CYP7B1: variants seen among roughly 807,000 people sequenced by gnomAD.
The protein encoded by CYP7B1 is cytochrome P450 family 7 subfamily B member 1.
CYP7B1 carries 29 observed loss-of-function variants against 42.7 expected under a neutral mutation model. The ratio of observed to expected loss-of-function variants is 0.68; its 90% CI spans 0.51 to 0.93. The LOEUF (loss-of-function observed/expected upper bound fraction) is 0.93. Ranked by LOEUF, CYP7B1 falls within the 40% of genes least tolerant of loss-of-function variation. CYP7B1 has a pLI of 0.00. For synonymous variants in CYP7B1, 235 were observed against 218.2 expected (o/e 1.08, Z -0.68); for missense variants, 655 against 600.5 (o/e 1.09, Z -0.95).
chr8:64,615,583 A>G lies in CYP7B1; in HGVS notation c.850+108T>C, dbSNP rs1308377914. ...GAGTAAAACATTTTATCATTAGCCAATTAGAAAGAGCATAAAAAATTTTCA... is the reference window on the plus strand; with the variant it reads ...GAGTAAAACATTTTATCATTAGCCAGTTAGAAAGAGCATAAAAAATTTTCA... On this transcript the variant is annotated intron_variant, in intron 3 of 5. Coordinates refer to ENST00000310193, the MANE Select transcript of CYP7B1 (RefSeq NM_004820.5). 3.7e-6 allele frequency: 4 copies of G among 1,081,628 alleles called. No homozygotes were observed. In the East Asian group the frequency reaches 7.1e-5, roughly 19 times the overall value. 67.0% of individuals were successfully genotyped at this position (1,081,628 alleles called of 1,614,324 possible).
chr8:64,785,085 A>G (rs956131321), intron 1 of CYP7B1, among the ~76,000 whole-genome samples: 3 of 152,238 alleles, frequency 2.0e-5, no homozygotes, highest in Admixed American at 2.0e-4. Context: ...AGATATATAA[A>G]TGGCAAATAA....
At chr8:64,755,459 C>G (rs564462430) in intron 1 of CYP7B1, among the ~76,000 whole-genome samples, 150 of 151,902 alleles carry the variant, frequency 9.9e-4, no homozygotes, top group Non-Finnish European at 2.0e-3. Context: ...TGCCCTGATC[C>G]CCAGGCTGCA....
At chr8:64,759,377 G>C (rs1441874652) in intron 1 of CYP7B1, among the ~76,000 whole-genome samples, 1 of 152,150 alleles carries the variant, frequency 6.6e-6, no homozygotes, top group Non-Finnish European at 1.5e-5. Context: ...TTAATGGATA[G>C]ACTTGCTGAT....
chr8:64,723,999 G>A (rs904547501), intron 1 of CYP7B1, among the ~76,000 whole-genome samples: 1 of 152,000 alleles, frequency 6.6e-6, no homozygotes, highest in Non-Finnish European at 1.5e-5. Flanking sequence ...ACATACATGG[G>A]TGTATAAACA....
chr8:64,679,968 A>G (rs1280506887), intron 1 of CYP7B1, among the ~76,000 whole-genome samples: 1 of 152,122 alleles, frequency 6.6e-6, no homozygotes, highest in Non-Finnish European at 1.5e-5. Context: ...ATGATACAGT[A>G]CTGTTAACCA....
intron 1 of CYP7B1, among the ~76,000 whole-genome samples, chr8:64,702,826 C>A (rs1210984244): frequency 3.3e-5 from 5 of 152,046 alleles, no homozygotes; most frequent in African/African-American, 1.2e-4. Flanking sequence ...GTATTATCAT[C>A]ATTCTCAGGA....
In CYP7B1 at chr8:64,593,806, A is replaced by C. The variant is rs1805075250; in HGVS notation, c.*2836T>G. On this transcript the variant is annotated 3_prime_UTR_variant, in exon 6 of 6. Transcript: ENST00000310193. ...ACAGAATCTAAAATGTTTGCTTCAT[A>C]CAGTTGAAGAAATGAAAAAGGATGT... 6.6e-6 allele frequency among the ~76,000 whole-genome samples: 1 copy of C among 152,240 alleles called. No individual in the cohort carries two copies. The highest frequency in any genetic ancestry group is 1.5e-5 in the Non-Finnish European group (1 of 68,044).
intron 1 of CYP7B1, among the ~76,000 whole-genome samples, chr8:64,714,555 T>C (rs181456882): frequency 2.0e-5 from 3 of 152,356 alleles, no homozygotes; most frequent in Non-Finnish European, 2.9e-5. Flanking sequence ...CAGAGGGTTC[T>C]TGCTGACACA....
intron 1 of CYP7B1, among the ~76,000 whole-genome samples, chr8:64,729,742 C>G (rs1000889184): frequency 1.3e-5 from 2 of 152,078 alleles, no homozygotes; most frequent in Non-Finnish European, 2.9e-5. Context: ...TCATCACATT[C>G]CTTTCTAAAT....
At chr8:64,601,208 T>C (rs988516195) in intron 5 of CYP7B1, among the ~76,000 whole-genome samples, 1 of 152,206 alleles carries the variant, frequency 6.6e-6, no homozygotes, top group Admixed American at 6.5e-5. Flanking sequence ...TCTCAACAAC[T>C]ATAAGAAGTA....
chr8:64,625,623 C>T (rs1805599256), intron 1 of CYP7B1, among the ~76,000 whole-genome samples: 1 of 152,162 alleles, frequency 6.6e-6, no homozygotes, highest in African/African-American at 2.4e-5. Flanking sequence ...ATGTTATCTG[C>T]TATGTGCTTG....
chr8:64,675,742 G>C (rs1334336287), intron 1 of CYP7B1, among the ~76,000 whole-genome samples: 1 of 152,072 alleles, frequency 6.6e-6, no homozygotes. Context: ...CTGGGAGCGT[G>C]GTTGTTTCTT....
chr8:64,730,742 GGACT>G (rs1051100549), intron 1 of CYP7B1, among the ~76,000 whole-genome samples: 30 of 115,990 alleles, frequency 2.6e-4, no homozygotes, highest in African/African-American at 1.2e-3. Flanking sequence ...TGTGAAGCAA[GGACT>G]GTCTGCACAC....
intron 1 of CYP7B1, among the ~76,000 whole-genome samples, chr8:64,698,934 A>T (rs1447835288): frequency 6.6e-6 from 1 of 152,178 alleles, no homozygotes; most frequent in Admixed American, 6.5e-5. Flanking sequence ...GGTTCTTAAT[A>T]TTGCAAACAC....
At chr8:64,751,077 C>T (rs1807718802) in intron 1 of CYP7B1, among the ~76,000 whole-genome samples, 2 of 152,024 alleles carry the variant, frequency 1.3e-5, no homozygotes, top group East Asian at 1.9e-4. Flanking sequence ...ATACTGGGTC[C>T]CTGGTTGCTT....
At chr8:64,687,520 G>A (rs1485494350) in intron 1 of CYP7B1, among the ~76,000 whole-genome samples, 2 of 152,246 alleles carry the variant, frequency 1.3e-5, no homozygotes, top group East Asian at 1.9e-4. Context: ...TTGTACACTT[G>A]GAAATAGTGG....
At chr8:64,643,402 A>T (rs1335437459) in intron 1 of CYP7B1, among the ~76,000 whole-genome samples, 1 of 152,136 alleles carries the variant, frequency 6.6e-6, no homozygotes, top group East Asian at 1.9e-4. Context: ...AAAAATGTAC[A>T]TATCTTAATT....
intron 1 of CYP7B1, among the ~76,000 whole-genome samples, chr8:64,728,714 A>G (rs901551640): frequency 1.3e-5 from 2 of 152,214 alleles, no homozygotes; most frequent in African/African-American, 4.8e-5. Context: ...GTTAAGAAAA[A>G]CTCAAGAGAA....
intron 5 of CYP7B1, among the ~76,000 whole-genome samples, chr8:64,603,501 TA>T (rs1270709722): frequency 3.9e-5 from 6 of 152,204 alleles, no homozygotes; most frequent in African/African-American, 1.2e-4. Context: ...GAATTGTAGG[TA>T]AAAATAAAAA....
Sources: allele counts gnomAD v4.1 joint callset (sites outside exome capture counted in the v4.1 genomes callset), GRCh38; gene constraint gnomAD v4.1.1; transcripts MANE v1.5; gene names NCBI Gene and HGNC (gene_info 2026-07-23, HGNC 2026-07-21).